Variants in NRXN3 observed in about 807,000 individuals in gnomAD.
The protein encoded by NRXN3 is neurexin III.
A neutral mutation model predicts 137.6 loss-of-function variants in NRXN3; 32 were observed. The observed-to-expected ratio is 0.23, with a 90% confidence interval of 0.18 to 0.31. The LOEUF is 0.31. NRXN3 is among the 10% of genes least tolerant of loss of function. The pLI is 1.00. For missense variants in NRXN3, 1,574 were observed against 2,062.5 expected (o/e 0.76, Z 4.59); for synonymous variants, 798 against 784.5 (o/e 1.02, Z -0.29).
chr14:78,303,331 G>A (rs2077053905), intron 4 of NRXN3, among the ~76,000 whole-genome samples: 2 of 151,952 alleles, frequency 1.3e-5, no homozygotes, highest in Non-Finnish European at 2.9e-5. Context: ...AGTTAATTGG[G>A]ACTTGGACCA....
At chr14:78,172,299 C>T (rs1044968679) in intron 1 of NRXN3, among the ~76,000 whole-genome samples, 2 of 152,082 alleles carry the variant, frequency 1.3e-5, no homozygotes, top group African/African-American at 4.8e-5. Flanking sequence ...AGAACTGGCT[C>T]TTTATTAATT....
chr14:78,826,301 G>A (rs555720296), intron 10 of NRXN3, among the ~76,000 whole-genome samples: 129 of 152,176 alleles, frequency 8.5e-4, no homozygotes, highest in Admixed American at 1.6e-3. Context: ...AGGCACTCAC[G>A]ACCCCACCCC....
chr14:78,836,700 G>A (rs999688569), intron 10 of NRXN3, among the ~76,000 whole-genome samples: 4 of 152,154 alleles, frequency 2.6e-5, no homozygotes, highest in African/African-American at 9.7e-5. Context: ...TTTATTTCAT[G>A]ACATGTAATT....
chr14:78,825,196 C>CAAAA (rs11335474), intron 10 of NRXN3, among the ~76,000 whole-genome samples: 13 of 75,738 alleles, frequency 1.7e-4, no homozygotes, highest in African/African-American at 2.0e-4. Flanking sequence ...GACTCTGCCT[C>CAAAA]AAAAAAAAAA....
chr14:78,465,326 T>C (rs1180532961), intron 4 of NRXN3, among the ~76,000 whole-genome samples: 1 of 152,156 alleles, frequency 6.6e-6, no homozygotes, highest in Non-Finnish European at 1.5e-5. Context: ...ACCAGATGGA[T>C]TGGAATCAGA....
chr14:79,293,743 C>T (rs1183391133), intron 15 of NRXN3, among the ~76,000 whole-genome samples: 1 of 152,236 alleles, frequency 6.6e-6, no homozygotes, highest in African/African-American at 2.4e-5. Context: ...GAGCAGCTCC[C>T]ACTCCGTGTC....
rs575035547 is a variant in NRXN3, at chr14:78,766,890, A to T, written c.2045-36730A>T. On this transcript the variant is annotated intron_variant, in intron 8 of 20. Coordinates refer to ENST00000335750, the MANE Select transcript of NRXN3 (RefSeq NM_001330195.2). ...TGAAATTCATCATGGAGCTAGCATGATGATTTACTAGGGAACATTTCTCTG... is the reference window on the plus strand; with the variant it reads ...TGAAATTCATCATGGAGCTAGCATGTTGATTTACTAGGGAACATTTCTCTG... Among the ~76,000 whole-genome samples, 45 of 152,316 alleles carry T rather than the reference A, an allele frequency of 3.0e-4. 2 individuals are homozygous for T. The South Asian group carries it at 8.5e-3, about 29-fold the overall frequency.
chr14:78,318,761 C>T (rs1316163620), intron 4 of NRXN3, among the ~76,000 whole-genome samples: 1 of 152,114 alleles, frequency 6.6e-6, no homozygotes, highest in African/African-American at 2.4e-5. Context: ...CCCTAGGGTG[C>T]AACAACTGGA....
chr14:79,521,163 C>T (rs2097060254), intron 16 of NRXN3, among the ~76,000 whole-genome samples: 1 of 152,028 alleles, frequency 6.6e-6, no homozygotes, highest in South Asian at 2.1e-4. Context: ...CAGTTTATAT[C>T]TAATTATGTG....
chr14:79,810,453 G>A (rs560195511), intron 20 of NRXN3, among the ~76,000 whole-genome samples: 6 of 152,208 alleles, frequency 3.9e-5, no homozygotes, highest in Non-Finnish European at 8.8e-5. Context: ...TTTCATAATG[G>A]TTGGGAAGGA....
chr14:79,142,216 C>T (rs991987492), intron 15 of NRXN3, among the ~76,000 whole-genome samples: 4 of 152,006 alleles, frequency 2.6e-5, no homozygotes, highest in Non-Finnish European at 5.9e-5. Context: ...GTCACAAAGT[C>T]GGGATACAAG....
intron 4 of NRXN3, among the ~76,000 whole-genome samples, chr14:78,334,403 A>T (rs910708725): frequency 8.5e-5 from 13 of 152,156 alleles, no homozygotes; most frequent in Non-Finnish European, 1.5e-5. Context: ...GCTTCTAGCC[A>T]TAGGTCCCTT....
chr14:79,697,191 C>T (rs966404060), intron 18 of NRXN3, among the ~76,000 whole-genome samples: 1 of 151,896 alleles, frequency 6.6e-6, no homozygotes, highest in South Asian at 2.1e-4. Flanking sequence ...TTCTGAGTCA[C>T]CTCACTGAGT....
chr14:78,507,119 C>T (rs760680150), intron 4 of NRXN3, among the ~76,000 whole-genome samples: 5 of 152,124 alleles, frequency 3.3e-5, no homozygotes, highest in African/African-American at 7.2e-5. Context: ...ATGTGGGTGA[C>T]GCTATGTCAC....
At chr14:79,005,300 T>TCATGTA (rs2099550077) in intron 15 of NRXN3, among the ~76,000 whole-genome samples, 1 of 152,118 alleles carries the variant, frequency 6.6e-6, no homozygotes, top group Non-Finnish European at 1.5e-5. Context: ...CTAGAAAAAG[T>TCATGTA]CATGTACTTG....
At chr14:78,524,241 G>T (rs77627973) in intron 4 of NRXN3, among the ~76,000 whole-genome samples, 3,973 of 152,180 alleles carry the variant, frequency 0.026, 183 homozygotes, top group African/African-American at 0.091. Context: ...ACCTGCATGT[G>T]GAGTTCTGTC....
Position 78,612,019 on chromosome 14 carries a change from T to A in NRXN3, c.758-33101T>A, listed in dbSNP as rs981065900. Reference sequence around the variant, plus strand: ...TGAAATCTTGGTATGCAGAAGGGCGTGGTGTGCTCTTTGACTTGAAAGTGG... The same window carrying A: ...TGAAATCTTGGTATGCAGAAGGGCGAGGTGTGCTCTTTGACTTGAAAGTGG... On this transcript the variant is annotated intron_variant, in intron 4 of 20. Transcript: ENST00000335750. 3.3e-5 allele frequency among the ~76,000 whole-genome samples: 5 copies of A among 152,188 alleles called. No homozygotes were observed. The South Asian group carries it at 8.3e-4, about 25-fold the overall frequency.
intron 15 of NRXN3, among the ~76,000 whole-genome samples, chr14:79,098,876 G>T (rs2050791982): frequency 1.3e-5 from 2 of 152,304 alleles, no homozygotes; most frequent in Non-Finnish European, 2.9e-5. Flanking sequence ...ATTTTTCAGG[G>T]AGGAAATTTT....
intron 4 of NRXN3, among the ~76,000 whole-genome samples, chr14:78,372,419 G>T (rs1256574230): frequency 6.6e-6 from 1 of 151,872 alleles, no homozygotes; most frequent in African/African-American, 2.4e-5. Context: ...CTGCCTCCTG[G>T]GTTCAAGCAA....
Sources: gnomAD v4.1 joint callset for allele counts (sites outside exome capture counted in the v4.1 genomes callset) on GRCh38, gnomAD v4.1.1 for gene constraint, MANE v1.5 for transcripts, NCBI Gene and HGNC (gene_info 2026-07-23, HGNC 2026-07-21) for gene names.